The following CNKSR3 variants were observed in gnomAD, a reference collection of about 807,000 sequenced individuals.
The protein encoded by CNKSR3 is connector enhancer of kinase suppressor of ras 3.
In CNKSR3, 36 loss-of-function variants were observed where a neutral mutation model predicts 67.7. That is an observed-to-expected ratio of 0.53 (90% CI 0.41 to 0.70). The LOEUF is 0.70. CNKSR3 is among the 30% of genes least tolerant of loss of function. CNKSR3 has a pLI of 0.00. For synonymous variants in CNKSR3, 281 were observed against 271.4 expected, an observed-to-expected ratio of 1.04 and a Z score of -0.35; for missense variants, 630 against 695.2, an observed-to-expected ratio of 0.91 and a Z score of 1.05.
intron 9 of CNKSR3, 110 bp from the exon 10 acceptor site, chr6:154,414,533 G>T: frequency 1.8e-6 from 2 of 1,127,184 alleles, no homozygotes; most frequent in South Asian, 1.4e-5. Context: ...TCTGAACAGG[G>T]ACTGAGGTCA....
intron 7 of CNKSR3, 63 bp from the exon 8 acceptor site, chr6:154,423,046 T>G: frequency 9.4e-7 from 1 of 1,067,146 alleles, no homozygotes; most frequent in Non-Finnish European, 1.4e-6. Flanking sequence ...TCTGCTTTTA[T>G]TTCTTCTTTC....
intron 1 of CNKSR3, 98 bp from the exon 2 acceptor site, chr6:154,450,356 A>T: frequency 8.3e-7 from 1 of 1,210,790 alleles, no homozygotes; most frequent in Non-Finnish European, 1.2e-6. Flanking sequence ...GCAATCAACA[A>T]TTATGATGCC....
chr6:154,433,561 A>T, intron 4 of CNKSR3, 54 bp from the exon 5 acceptor site: 1 of 1,361,164 alleles, frequency 7.3e-7, no homozygotes. Flanking sequence ...AAAAACGTTC[A>T]GAACTGTTGG....
In CNKSR3 at chr6:154,396,369, T is replaced by C. The variant is rs558027518; in HGVS notation, c.*9985A>G. Reference sequence around the variant, plus strand: ...TTCTTTAAAATGAGAGCCAATGTAATAAAATTCTTTATGGAATAGTCTGCA... The same window carrying C: ...TTCTTTAAAATGAGAGCCAATGTAACAAAATTCTTTATGGAATAGTCTGCA... On this transcript the variant is annotated 3_prime_UTR_variant, in exon 13 of 13. Transcript: ENST00000607772. 16 of 152,342 alleles carry C rather than the reference T, an allele frequency of 1.1e-4. No homozygotes were observed. The highest frequency in any genetic ancestry group is 3.8e-4 in the African/African-American group (16 of 41,572). The allele number at this position is 152,342 out of a possible 1,614,324, so 9.4% of individuals were successfully genotyped here.
At chr6:154,474,692 T>C (rs1049133925) in intron 1 of CNKSR3, among the ~76,000 whole-genome samples, 4 of 152,092 alleles carry the variant, frequency 2.6e-5, no homozygotes, top group African/African-American at 9.7e-5. Flanking sequence ...TAGACTATAG[T>C]GTCATGGGAG....
intron 1 of CNKSR3, among the ~76,000 whole-genome samples, chr6:154,500,066 T>C (rs144353403): frequency 8.5e-5 from 13 of 152,292 alleles, no homozygotes; most frequent in Non-Finnish European, 1.5e-4. Flanking sequence ...TCTGTTAAGA[T>C]GGTGCTGACA....
rs567268285 is a variant in CNKSR3, at chr6:154,487,617, G to T, written c.52+22446C>A. On this transcript the variant is annotated intron_variant, in intron 1 of 12. Transcript: ENST00000607772. ...ATTTATCCAGCCCCAACAGAGACAGGAAGAGACTGTGAATGAATGGACACA... is the reference window on the plus strand; with the variant it reads ...ATTTATCCAGCCCCAACAGAGACAGTAAGAGACTGTGAATGAATGGACACA... Among the ~76,000 whole-genome samples the T allele has an allele frequency of 2.0e-5, 3 of 152,312 alleles. No homozygotes were observed. In the East Asian group the frequency reaches 5.8e-4, roughly 29 times the overall value.
intron 4 of CNKSR3, among the ~76,000 whole-genome samples, chr6:154,441,016 AT>A (rs1785569553): frequency 6.6e-6 from 1 of 152,132 alleles, no homozygotes; most frequent in African/African-American, 2.4e-5. Flanking sequence ...GTGCTCTAAC[AT>A]TTTAGGGGAA....
chr6:154,509,534 G>C (rs1296146788), intron 1 of CNKSR3, among the ~76,000 whole-genome samples: 1 of 150,614 alleles, frequency 6.6e-6, no homozygotes, highest in African/African-American at 2.4e-5. Flanking sequence ...GCTTTTGCGC[G>C]GCCCTCTCGC....
Position 154,441,289 on chromosome 6 carries a change from G to C in CNKSR3, c.507+3C>G. 1 of 1,358,032 alleles carries C rather than the reference G, an allele frequency of 7.4e-7. No individual in the cohort carries two copies. The highest frequency in any genetic ancestry group is 1.0e-6 in the Non-Finnish European group (1 of 961,450). 84.1% of individuals were successfully genotyped at this position (1,358,032 alleles called of 1,614,324 possible). ...AAGAAAGTGAAAATGACATACTACTGACCTTCTGGACTGTAGTGGTCAGGT... is the reference window on the plus strand; with the variant it reads ...AAGAAAGTGAAAATGACATACTACTCACCTTCTGGACTGTAGTGGTCAGGT... On this transcript the variant is annotated splice_donor_region_variant and intron_variant, in intron 4 of 12. Coordinates refer to ENST00000607772, the MANE Select transcript of CNKSR3 (RefSeq NM_173515.4).
intron 1 of CNKSR3, among the ~76,000 whole-genome samples, chr6:154,503,048 A>G (rs965706276): frequency 6.6e-5 from 10 of 152,128 alleles, no homozygotes; most frequent in African/African-American, 2.4e-4. Context: ...GTCTCAGCGC[A>G]ACTCATATAT....
chr6:154,501,810 G>A (rs1183200742), intron 1 of CNKSR3, among the ~76,000 whole-genome samples: 3 of 152,108 alleles, frequency 2.0e-5, no homozygotes, highest in Admixed American at 6.6e-5. Flanking sequence ...CACTAAAGCC[G>A]GGACTATGGA....
At chr6:154,482,663 A>T (rs1212299419) in intron 1 of CNKSR3, among the ~76,000 whole-genome samples, 1 of 152,198 alleles carries the variant, frequency 6.6e-6, no homozygotes, top group African/African-American at 2.4e-5. Context: ...AATGTCTAGG[A>T]AGGGTTCCAG....
intron 1 of CNKSR3, among the ~76,000 whole-genome samples, chr6:154,457,845 G>A (rs1785991594): frequency 6.6e-6 from 1 of 152,094 alleles, no homozygotes; most frequent in Non-Finnish European, 1.5e-5. Flanking sequence ...AGCATCTCAA[G>A]TCCTTTGGGA....
intron 5 of CNKSR3, among the ~76,000 whole-genome samples, chr6:154,432,907 T>C (rs1054794304): frequency 6.6e-6 from 1 of 152,240 alleles, no homozygotes; most frequent in Non-Finnish European, 1.5e-5. Context: ...ACTTTTTACA[T>C]TCCTCCAATT....
intron 1 of CNKSR3, among the ~76,000 whole-genome samples, chr6:154,499,534 C>T (rs1250072769): frequency 1.3e-5 from 2 of 152,176 alleles, no homozygotes; most frequent in Admixed American, 6.5e-5. Flanking sequence ...TGAGACGCCC[C>T]GCATGTATGT....
At chr6:154,457,115 G>A (rs1785976744) in intron 1 of CNKSR3, among the ~76,000 whole-genome samples, 1 of 152,120 alleles carries the variant, frequency 6.6e-6, no homozygotes. Flanking sequence ...CCCCAAACAT[G>A]ACATGTTGCT....
intron 1 of CNKSR3, among the ~76,000 whole-genome samples, chr6:154,508,013 C>A (rs894351614): frequency 6.6e-6 from 1 of 151,956 alleles, no homozygotes; most frequent in Admixed American, 6.6e-5. Flanking sequence ...GATCTCACTC[C>A]ATAATCTTCC....
intron 4 of CNKSR3, among the ~76,000 whole-genome samples, chr6:154,434,926 A>G (rs1039522152): frequency 1.3e-5 from 2 of 151,870 alleles, no homozygotes; most frequent in Non-Finnish European, 2.9e-5. Context: ...CACAGTATAC[A>G]TATGTGATCG....
Sources: allele counts gnomAD v4.1 joint callset (sites outside exome capture counted in the v4.1 genomes callset), GRCh38; gene constraint gnomAD v4.1.1; transcripts MANE v1.5; gene names NCBI Gene and HGNC (gene_info 2026-07-23, HGNC 2026-07-21).